GRM1: variants seen among roughly 807,000 people sequenced by gnomAD.
The protein encoded by GRM1 is glutamate metabotropic receptor 1.
A neutral mutation model predicts 90.9 loss-of-function variants in GRM1; 33 were observed. The ratio of observed to expected loss-of-function variants is 0.36; its 90% CI spans 0.28 to 0.49. The LOEUF (loss-of-function observed/expected upper bound fraction) is 0.49, where lower values mean the gene tolerates loss of function less well. GRM1 is among the 20% of genes least tolerant of loss of function. GRM1 has a pLI of 0.99. For synonymous variants in GRM1, 700 were observed against 613.2 expected (o/e 1.14, Z -2.09); for missense variants, 1,190 against 1,534.3 (o/e 0.78, Z 3.75).
chr6:146,385,237 A>G (rs1016522042), intron 5 of GRM1, among the ~76,000 whole-genome samples: 1 of 152,108 alleles, frequency 6.6e-6, no homozygotes, highest in African/African-American at 2.4e-5. Context: ...CCAAAATAAG[A>G]AAGGGGTGAT....
At chr6:146,097,470 G>C (rs1776909879) in intron 1 of GRM1, among the ~76,000 whole-genome samples, 2 of 152,136 alleles carry the variant, frequency 1.3e-5, no homozygotes, top group African/African-American at 2.4e-5. Flanking sequence ...TTGTTAAATA[G>C]AATTTCATAA....
chr6:146,342,795 C>T (rs1026818617), intron 3 of GRM1, among the ~76,000 whole-genome samples: 1 of 152,134 alleles, frequency 6.6e-6, no homozygotes. Flanking sequence ...CTAAAGTTTG[C>T]ATTTTAGAAT....
intron 2 of GRM1, among the ~76,000 whole-genome samples, chr6:146,247,500 G>C (rs1781101105): frequency 6.6e-6 from 1 of 152,138 alleles, no homozygotes; most frequent in Non-Finnish European, 1.5e-5. Flanking sequence ...TGTAATCCCA[G>C]CACTTTGGGA....
At chr6:146,177,783 A>G (rs190713882) in intron 2 of GRM1, among the ~76,000 whole-genome samples, 2 of 152,276 alleles carry the variant, frequency 1.3e-5, no homozygotes, top group Admixed American at 6.5e-5. Context: ...ATGCCTGTGA[A>G]AGATCACAAT....
At chr6:146,088,652 C>T (rs559622150) in intron 1 of GRM1, among the ~76,000 whole-genome samples, 8 of 152,208 alleles carry the variant, frequency 5.3e-5, no homozygotes, top group African/African-American at 1.9e-4. Flanking sequence ...GTCCAAACAC[C>T]ATGATCTAAA....
chr6:146,102,011 T>C (rs1175311484), intron 1 of GRM1, among the ~76,000 whole-genome samples: 1 of 152,154 alleles, frequency 6.6e-6, no homozygotes, highest in Non-Finnish European at 1.5e-5. Flanking sequence ...TCCAAGGTCA[T>C]GAAGAGTAAG....
At chr6:146,309,447 A>G (rs1783702794) in intron 3 of GRM1, among the ~76,000 whole-genome samples, 1 of 152,088 alleles carries the variant, frequency 6.6e-6, no homozygotes, top group Non-Finnish European at 1.5e-5. Flanking sequence ...GGAGTTCCAA[A>G]AGGCAGCTCC....
At chr6:146,055,427 A>T (rs1775450896) in intron 1 of GRM1, among the ~76,000 whole-genome samples, 2 of 152,134 alleles carry the variant, frequency 1.3e-5, no homozygotes, top group South Asian at 4.1e-4. Flanking sequence ...ATTTTCCATT[A>T]AACAATTTTT....
chr6:146,169,776 T>A (rs898585505), intron 2 of GRM1, among the ~76,000 whole-genome samples: 3 of 152,208 alleles, frequency 2.0e-5, no homozygotes, highest in African/African-American at 7.2e-5. Context: ...ATTTATACAA[T>A]GTCTGATAAC....
At chr6:146,410,478 A>G (rs1777520265) in intron 7 of GRM1, among the ~76,000 whole-genome samples, 1 of 152,212 alleles carries the variant, frequency 6.6e-6, no homozygotes, top group South Asian at 2.1e-4. Context: ...ATCAGTGAGT[A>G]TTTAATCAAG....
intron 7 of GRM1, among the ~76,000 whole-genome samples, chr6:146,430,306 A>G (rs922447002): frequency 1.3e-5 from 2 of 152,226 alleles, no homozygotes; most frequent in African/African-American, 4.8e-5. Context: ...CTAGCTGTCC[A>G]CACAGTAACT....
intron 3 of GRM1, among the ~76,000 whole-genome samples, chr6:146,349,232 A>T (rs1165055354): frequency 6.7e-5 from 9 of 134,686 alleles, no homozygotes; most frequent in Non-Finnish European, 1.6e-5. Flanking sequence ...ATGCCCGGCT[A>T]TTTTTTTTTT....
chr6:146,120,039 C>G (rs1775920730), intron 1 of GRM1, among the ~76,000 whole-genome samples: 1 of 152,158 alleles, frequency 6.6e-6, no homozygotes, highest in African/African-American at 2.4e-5. Flanking sequence ...AGCAGTATGG[C>G]CATTTTCACG....
intron 2 of GRM1, among the ~76,000 whole-genome samples, chr6:146,235,446 C>A (rs1301902677): frequency 6.6e-6 from 1 of 152,010 alleles, no homozygotes; most frequent in East Asian, 1.9e-4. Flanking sequence ...TTTGTGACTT[C>A]ATGGATAAAA....
intron 5 of GRM1, among the ~76,000 whole-genome samples, chr6:146,379,930 GTCTCTCTCTCTC>G (rs56732675): frequency 2.7e-5 from 4 of 147,758 alleles, no homozygotes; most frequent in Admixed American, 6.7e-5. Flanking sequence ...TACAGAGTCT[GTCTCTCTCTCTC>G]TCTCTCTCTC....
In GRM1 at chr6:146,281,827, A is replaced by C. The variant is rs189200600; in HGVS notation, c.951-22784A>C. On this transcript the variant is annotated intron_variant, in intron 2 of 7. Coordinates refer to ENST00000282753, the MANE Select transcript of GRM1 (RefSeq NM_001278064.2). ...GCTTGATCCCATCTTGGCACACATC[A>C]CCATGGATTCTTAAACTATAAGAAG... is the stretch of plus-strand genomic sequence containing the variant. Among the ~76,000 whole-genome samples, 37 of 152,286 alleles carry C rather than the reference A, an allele frequency of 2.4e-4. 1 individual carries two copies. In the South Asian group the frequency reaches 6.4e-3, roughly 26 times the overall value.
chr6:146,144,431 C>T (rs545070441), intron 1 of GRM1, among the ~76,000 whole-genome samples: 28 of 152,314 alleles, frequency 1.8e-4, no homozygotes, highest in African/African-American at 6.7e-4. Flanking sequence ...AGCTACCACA[C>T]TCAACCTCTT....
chr6:146,419,495 A>G (rs1415663030), intron 7 of GRM1, among the ~76,000 whole-genome samples: 2 of 152,190 alleles, frequency 1.3e-5, no homozygotes, highest in Admixed American at 6.5e-5. Flanking sequence ...TAATAGTGCA[A>G]ATTTGCCAGT....
In GRM1 at chr6:146,140,090, A is replaced by ACTCT. The variant is rs1486556879; in HGVS notation, c.701-19258_701-19257insCTCT. On this transcript the variant is annotated intron_variant, in intron 1 of 7. Coordinates refer to ENST00000282753, the MANE Select transcript of GRM1 (RefSeq NM_001278064.2). ...CTCTTCTTTTCTCCTTTCTTTCTTT[A>ACTCT]TTCTTTCTTTCTTTCTTTCTTTCTT... Among the ~76,000 whole-genome samples the ACTCT allele has an allele frequency of 1.7e-4, 10 of 57,874 alleles. 1 individual carries two copies. The East Asian group carries it at 5.0e-3, about 29-fold the overall frequency. The allele number at this position is 57,874 out of a possible 152,430, so 38.0% of individuals were successfully genotyped here.
Sources: allele counts gnomAD v4.1 joint callset (sites outside exome capture counted in the v4.1 genomes callset), GRCh38; gene constraint gnomAD v4.1.1; transcripts MANE v1.5; gene names NCBI Gene and HGNC (gene_info 2026-07-23, HGNC 2026-07-21).